Variants in CTTNBP2 observed in about 807,000 individuals in gnomAD.
CTTNBP2 encodes cortactin binding protein 2.
Under a neutral mutation model 156.9 loss-of-function variants are expected in CTTNBP2, and 108 were observed. The ratio of observed to expected loss-of-function variants is 0.69; its 90% CI spans 0.59 to 0.81. The LOEUF (loss-of-function observed/expected upper bound fraction) is 0.81. CTTNBP2 is among the 30% of genes least tolerant of loss of function. The pLI is 0.00. For synonymous variants in CTTNBP2, 767 were observed against 751.8 expected (o/e 1.02, Z -0.33); for missense variants, 1,924 against 2,035.4 (o/e 0.95, Z 1.05).
At chr7:117,789,374 C>T (rs1463512166) in intron 4 of CTTNBP2, among the ~76,000 whole-genome samples, 1 of 152,146 alleles carries the variant, frequency 6.6e-6, no homozygotes, top group Non-Finnish European at 1.5e-5. Flanking sequence ...GTGTTTTCTA[C>T]TTTACAGTCT....
At chr7:117,788,543 T>C (rs998038049) in intron 4 of CTTNBP2, among the ~76,000 whole-genome samples, 9 of 152,186 alleles carry the variant, frequency 5.9e-5, no homozygotes, top group African/African-American at 1.9e-4. Flanking sequence ...AGGCACAAGC[T>C]CAACCAGGCA....
chr7:117,855,169 CTA>C, intron 2 of CTTNBP2, among the ~76,000 whole-genome samples: 1 of 152,256 alleles, frequency 6.6e-6, no homozygotes, highest in African/African-American at 2.4e-5. Flanking sequence ...GGGCTCAGTT[CTA>C]TAGAGAGGAT....
At chr7:117,745,588 G>A (rs370613216) in intron 14 of CTTNBP2, among the ~76,000 whole-genome samples, 1 of 151,404 alleles carries the variant, frequency 6.6e-6, no homozygotes, top group Non-Finnish European at 1.5e-5. Flanking sequence ...ACTAGTGCCA[G>A]TAAGACAGTA....
rs764589410 is a variant in CTTNBP2 at position 117,721,135 on chromosome 7, T to TA, written c.4448-6dup. 7 of 1,551,114 alleles carry TA rather than the reference T, an allele frequency of 4.5e-6. No individual in the cohort carries two copies. The African/African-American group carries it at 5.4e-5, about 12-fold the overall frequency. On this transcript the variant is annotated splice_region_variant and splice_polypyrimidine_tract_variant and intron_variant, in intron 19 of 22. Transcript: ENST00000160373. ...ATATAGTCTTATTTTTCATACCTGT[T>TA]AAAAAAGAGAACCATTTTCAATAGA...
chr7:117,716,510 CAATA>C (rs1794387204), intron 22 of CTTNBP2, among the ~76,000 whole-genome samples: 1 of 152,066 alleles, frequency 6.6e-6, no homozygotes, highest in Non-Finnish European at 1.5e-5. Context: ...CAGAGCAAGC[CAATA>C]AATACAGGGG....
chr7:117,747,310 G>A (rs557900552), intron 12 of CTTNBP2, among the ~76,000 whole-genome samples: 2 of 152,254 alleles, frequency 1.3e-5, no homozygotes, highest in African/African-American at 4.8e-5. Context: ...GAGATCACAG[G>A]AAAAGGCCCA....
At chr7:117,717,626 C>A (rs1198929195) in intron 22 of CTTNBP2, among the ~76,000 whole-genome samples, 1 of 151,930 alleles carries the variant, frequency 6.6e-6, no homozygotes, top group African/African-American at 2.4e-5. Flanking sequence ...CTTAGTAGCC[C>A]TCTAGGTTAT....
intron 12 of CTTNBP2, among the ~76,000 whole-genome samples, chr7:117,750,476 A>G (rs1743386692): frequency 6.6e-6 from 1 of 152,220 alleles, no homozygotes; most frequent in Non-Finnish European, 1.5e-5. Context: ...GAGAAAAACA[A>G]ATGTATATAC....
intron 2 of CTTNBP2, among the ~76,000 whole-genome samples, chr7:117,831,257 T>G (rs925407671): frequency 6.6e-6 from 1 of 152,178 alleles, no homozygotes; most frequent in African/African-American, 2.4e-5. Context: ...GACACCTTCA[T>G]GTCTGTGGGC....
intron 2 of CTTNBP2, among the ~76,000 whole-genome samples, chr7:117,832,506 A>T (rs577673628): frequency 1.3e-5 from 2 of 152,022 alleles, no homozygotes; most frequent in Admixed American, 1.3e-4. Context: ...TTCTTCCATG[A>T]TCTGACTCTT....
At chr7:117,855,550 G>A (rs1438798721) in intron 2 of CTTNBP2, among the ~76,000 whole-genome samples, 1 of 152,174 alleles carries the variant, frequency 6.6e-6, no homozygotes, top group African/African-American at 2.4e-5. Flanking sequence ...GTTGCTACTG[G>A]CATCTAGTGG....
In CTTNBP2 at chr7:117,838,578, A is replaced by C. The variant is rs10235369; in HGVS notation, c.189+22631T>G. On this transcript the variant is annotated intron_variant, in intron 2 of 22. Coordinates refer to ENST00000160373, the MANE Select transcript of CTTNBP2 (RefSeq NM_033427.3). ...AGGACTAATCTGTAAAAACTACCTC[A>C]GATATTCAAAAAATTAATAGACATG... Among the ~76,000 whole-genome samples the C allele has an allele frequency of 2.8e-3, 419 of 152,326 alleles. 3 individuals carry two copies. The highest frequency in any genetic ancestry group is 9.2e-3 in the African/African-American group (384 of 41,578).
At chr7:117,843,808 G>C (rs1802412467) in intron 2 of CTTNBP2, among the ~76,000 whole-genome samples, 1 of 152,184 alleles carries the variant, frequency 6.6e-6, no homozygotes, top group Admixed American at 6.5e-5. Context: ...AAATAATTCA[G>C]ACAAGAGGGT....
At chr7:117,814,958 C>G (rs1800494496) in intron 2 of CTTNBP2, among the ~76,000 whole-genome samples, 1 of 152,170 alleles carries the variant, frequency 6.6e-6, no homozygotes, top group Non-Finnish European at 1.5e-5. Context: ...TGATCTCATT[C>G]TTTCATTTTT....
Position 117,728,277 on chromosome 7 carries a change from CAGGG to C in CTTNBP2, c.3877-14_3877-11del. 3 of 1,595,066 alleles carry C rather than the reference CAGGG, an allele frequency of 1.9e-6. No homozygotes were observed. The highest frequency in any genetic ancestry group is 2.6e-6 in the Non-Finnish European group (3 of 1,169,918). On this transcript the variant is annotated splice_polypyrimidine_tract_variant and intron_variant, in intron 16 of 22. Coordinates refer to ENST00000160373, the MANE Select transcript of CTTNBP2 (RefSeq NM_033427.3). ...GCGCCTGACCTTTGAACTAGAGAGA[CAGGG>C]AGGTGGAACCCAGGGGCTTGGTTTA...
chr7:117,743,151 G>A (rs1283456455), intron 14 of CTTNBP2, among the ~76,000 whole-genome samples: 1 of 152,144 alleles, frequency 6.6e-6, no homozygotes, highest in Non-Finnish European at 1.5e-5. Context: ...ATGCTGAGTT[G>A]GTCACCTTTG....
At chr7:117,847,347 G>C (rs1294860361) in intron 2 of CTTNBP2, among the ~76,000 whole-genome samples, 1 of 152,160 alleles carries the variant, frequency 6.6e-6, no homozygotes, top group East Asian at 1.9e-4. Flanking sequence ...ACCAGCCTGG[G>C]CAATATGGTG....
rs1412877723 is a variant in CTTNBP2 at position 117,782,863 on chromosome 7, C to T, written c.2371G>A (p.Glu791Lys). 5.0e-6 allele frequency: 8 copies of T among 1,608,010 alleles called. No homozygotes were observed. The highest frequency in any genetic ancestry group is 1.7e-5 in the Admixed American group (1 of 58,994). The change falls in exon 6 of 23, where the codon GAG becomes AAG. Residue 791 changes from glutamate to lysine, a missense_variant and splice_region_variant. Coordinates refer to ENST00000160373, the MANE Select transcript of CTTNBP2 (RefSeq NM_033427.3). Reference protein sequence around the residue: ...LCAAAAQGHFECVELLISYDA... With the variant: ...LCAAAAQGHFKCVELLISYDA... ...AAAAAAGAATTAAGAGCAACTTACT[C>T]GAAATGTCCCTGAGCAGCTGCAGCA...
chr7:117,811,851 TTTTAATGTAAAAATTTTAATTAAATTAAA>T (rs1800304346), intron 2 of CTTNBP2, among the ~76,000 whole-genome samples: 2 of 59,630 alleles, frequency 3.4e-5, no homozygotes, highest in Non-Finnish European at 6.3e-5. Context: ...TAAATTAAAA[TTTTAATGTAAAAATTTTAATTAAATTAAA>T]ATTTTAATGT....
Sources: allele counts gnomAD v4.1 joint callset (sites outside exome capture counted in the v4.1 genomes callset), GRCh38; gene constraint gnomAD v4.1.1; transcripts MANE v1.5; gene names NCBI Gene and HGNC (gene_info 2026-07-23, HGNC 2026-07-21).